The following SESN1 variants were observed in gnomAD, a reference collection of about 807,000 sequenced individuals.
The protein encoded by SESN1 is sestrin-1.
SESN1 carries 30 observed loss-of-function variants against 59.3 expected under a neutral mutation model. The ratio of observed to expected loss-of-function variants is 0.51; its 90% confidence interval spans 0.38 to 0.69. The LOEUF (loss-of-function observed/expected upper bound fraction) is 0.69. SESN1 is among the 30% of genes least tolerant of loss of function. The pLI, the probability that SESN1 is intolerant of heterozygous loss-of-function variation, is 0.00. For missense variants in SESN1, 566 were observed against 673.0 expected, an observed-to-expected ratio of 0.84 and a Z score of 1.76; for synonymous variants, 197 against 219.9, an observed-to-expected ratio of 0.90 and a Z score of 0.92.
In SESN1 at chr6:109,053,637, T is replaced by C. The variant is rs1562469432; in HGVS notation, c.279+40158A>G. Reference sequence around the variant, plus strand: ...GAGGCTGGGCCAGTGAAAGCCCTCATGGGCCACATGAAGGACTCTGGCATT... The same window carrying C: ...GAGGCTGGGCCAGTGAAAGCCCTCACGGGCCACATGAAGGACTCTGGCATT... On this transcript the variant is annotated intron_variant, in intron 1 of 9. Transcript: ENST00000436639. Among the ~76,000 whole-genome samples the C allele has an allele frequency of 2.6e-5, 4 of 152,280 alleles. 1 individual carries two copies. Among genetic ancestry groups the C allele is most frequent in the Middle Eastern group, 6.8e-3 (2 of 294 alleles).
chr6:108,992,817 A>G lies in SESN1; in HGVS notation c.1203T>C (p.His401=), dbSNP rs1779415950. The change falls in exon 7 of 10, where the codon CAT becomes CAC. Residue 401 remains histidine (H), a synonymous_variant. Coordinates refer to ENST00000436639, the MANE Select transcript of SESN1 (RefSeq NM_014454.3). ...CACGAAATGTTGGAACATGCATCCC[A>G]TGTCTAGAGAAATCTTTATAGCCAT... ...TSYGYKDFSR[H]GMHVPTFRVQ... 1 of 1,613,478 alleles carries G rather than the reference A, an allele frequency of 6.2e-7. No homozygotes were observed. Among genetic ancestry groups the G allele is most frequent in the Non-Finnish European group, 8.5e-7 (1 of 1,179,508 alleles).
intron 1 of SESN1, among the ~76,000 whole-genome samples, chr6:109,006,293 G>T (rs1779729364): frequency 6.6e-6 from 1 of 152,128 alleles, no homozygotes; most frequent in South Asian, 2.1e-4. Flanking sequence ...AAAGCCCTGA[G>T]ATTTTTTTAA....
Position 109,011,660 on chromosome 6 carries a change from C to T in SESN1, c.280-9317G>A, listed in dbSNP as rs114281788. Among the ~76,000 whole-genome samples the T allele has an allele frequency of 4.5e-3, 658 of 147,762 alleles. 2 individuals carry two copies. Among genetic ancestry groups the T allele is most frequent in the African/African-American group, 0.016 (627 of 40,062 alleles). On this transcript the variant is annotated intron_variant, in intron 1 of 9. Transcript: ENST00000436639. The stretch of plus-strand genomic sequence containing the variant: ...TTTTTTTTTTTTTGAGACAGAGTCT[C>T]GCTCTGTCAGCCAGGATGAGTGCAG...
In SESN1 at chr6:109,015,383, G is replaced by T. The variant is rs868720543; in HGVS notation, c.280-13040C>A. ...TGACAAGAGCATGTATGGATCACTT[G>T]TTAAGTCAGGCATGTACTTACAAGT... On this transcript the variant is annotated intron_variant, in intron 1 of 9. Transcript: ENST00000436639. Among the ~76,000 whole-genome samples the T allele has an allele frequency of 2.6e-5, 4 of 152,266 alleles. 1 individual carries two copies. Among genetic ancestry groups the T allele is most frequent in the Middle Eastern group, 6.8e-3 (2 of 294 alleles).
In SESN1 at chr6:109,057,222, T is replaced by C. The variant is rs1310654250; in HGVS notation, c.279+36573A>G. Reference sequence around the variant, plus strand: ...CTGAATTTTCAACCCTCAGAAACTATGTGAGATAATTAATATTTATTGTTT... The same window carrying C: ...CTGAATTTTCAACCCTCAGAAACTACGTGAGATAATTAATATTTATTGTTT... On this transcript the variant is annotated intron_variant, in intron 1 of 9. Coordinates refer to ENST00000436639, the MANE Select transcript of SESN1 (RefSeq NM_014454.3). 2.6e-5 allele frequency among the ~76,000 whole-genome samples: 4 copies of C among 152,208 alleles called. No individual in the cohort carries two copies. In the East Asian group the frequency reaches 5.8e-4, roughly 22 times the overall value.
intron 1 of SESN1, among the ~76,000 whole-genome samples, chr6:109,068,033 G>A (rs912517202): frequency 1.3e-5 from 2 of 152,176 alleles, no homozygotes; most frequent in African/African-American, 4.8e-5. Context: ...TGTTAGGCAG[G>A]CAGGCTTCTC....
chr6:109,055,674 A>AG (rs1300493416), intron 1 of SESN1, among the ~76,000 whole-genome samples: 3 of 151,388 alleles, frequency 2.0e-5, no homozygotes, highest in Non-Finnish European at 4.4e-5. Flanking sequence ...AAAAAAAAAA[A>AG]AAAAAAAAGA....
intron 1 of SESN1, among the ~76,000 whole-genome samples, chr6:109,047,457 T>C (rs1583286189): frequency 8.4e-6 from 1 of 118,772 alleles, no homozygotes; most frequent in South Asian, 3.5e-4. Context: ...AGCCGCCCCA[T>C]CCGGGAGGGA....
chr6:108,985,492 C>CAA lies in SESN1; in HGVS notation c.*2050_*2051dup, dbSNP rs1779158687. Reference sequence around the variant, plus strand: ...TGTGTTTAGTTTTGAGAAAACACTCCAACAGGAAGCACCTGCTAAATGGAA... The same window carrying CAA: ...TGTGTTTAGTTTTGAGAAAACACTCCAAAACAGGAAGCACCTGCTAAATGGAA... On this transcript the variant is annotated 3_prime_UTR_variant, in exon 10 of 10. Transcript: ENST00000436639. 6.6e-6 allele frequency among the ~76,000 whole-genome samples: 1 copy of CAA among 152,138 alleles called. No homozygotes were observed. The highest frequency in any genetic ancestry group is 1.5e-5 in the Non-Finnish European group (1 of 68,032).
At chr6:109,019,522 G>A (rs1779976709) in intron 1 of SESN1, among the ~76,000 whole-genome samples, 2 of 152,084 alleles carry the variant, frequency 1.3e-5, no homozygotes, top group African/African-American at 4.8e-5. Context: ...CCTGTCCTGG[G>A]TCTAGTCTAT....
intron 1 of SESN1, among the ~76,000 whole-genome samples, chr6:109,064,724 G>A (rs1282649936): frequency 8.0e-6 from 1 of 124,342 alleles, no homozygotes; most frequent in Admixed American, 8.2e-5. Flanking sequence ...GGAAGGAAGG[G>A]AGGGAGGGAG....
At chr6:109,027,624 C>T (rs982389727) in intron 1 of SESN1, among the ~76,000 whole-genome samples, 5 of 151,692 alleles carry the variant, frequency 3.3e-5, no homozygotes, top group African/African-American at 7.3e-5. Context: ...ATAATGTCTG[C>T]GTATATTTTC....
At chr6:108,990,890 A>G in intron 7 of SESN1, 55 bp from the exon 8 acceptor site, 1 of 1,458,848 alleles carries the variant, frequency 6.9e-7, no homozygotes, top group East Asian at 2.3e-5. Context: ...ACAGTTCTAT[A>G]TCTATAGCTC....
intron 6 of SESN1, among the ~76,000 whole-genome samples, chr6:108,994,140 T>TA (rs764125940): frequency 0.027 from 2,711 of 100,096 alleles, 38 homozygotes; most frequent in South Asian, 0.046. Flanking sequence ...CCCTGTTTCT[T>TA]AAAAAAAAAA....
intron 1 of SESN1, among the ~76,000 whole-genome samples, chr6:109,018,420 G>T (rs566651128): frequency 4.1e-4 from 62 of 152,280 alleles, no homozygotes; most frequent in African/African-American, 1.3e-3. Flanking sequence ...AAATTAATGC[G>T]TGTCTACATC....
rs1310995102 is a variant in SESN1, at chr6:108,987,312, A to G, written c.*232T>C. 1.6e-5 allele frequency: 7 copies of G among 441,270 alleles called. No individual in the cohort carries two copies. Among genetic ancestry groups the G allele is most frequent in the Non-Finnish European group, 2.4e-5 (6 of 248,940 alleles). The allele number at this position is 441,270 out of a possible 1,614,324, so 27.3% of individuals were successfully genotyped here. A position where few individuals can be genotyped will look rare whatever the true frequency, so the allele number is the denominator to read the frequency against. On this transcript the variant is annotated 3_prime_UTR_variant, in exon 10 of 10. Coordinates refer to ENST00000436639, the MANE Select transcript of SESN1 (RefSeq NM_014454.3). ...ACAGCATCTTGTACTGTCAAAAAGC[A>G]AAATACTGTGAATGGCAGCCTGTCT...
intron 1 of SESN1, among the ~76,000 whole-genome samples, chr6:109,006,809 G>A (rs1237420468): frequency 2.0e-5 from 3 of 152,104 alleles, no homozygotes; most frequent in South Asian, 2.1e-4. Flanking sequence ...AAGGCACTGC[G>A]GGTGTTCAAT....
chr6:109,090,524 C>T (rs1325753532), intron 1 of SESN1: 1 of 152,074 alleles, frequency 6.6e-6, no homozygotes, highest in East Asian at 1.9e-4. Flanking sequence ...ATACTGTATT[C>T]TTACAATAAA....
chr6:109,003,966 T>C (rs941181950), intron 1 of SESN1, among the ~76,000 whole-genome samples: 10 of 152,236 alleles, frequency 6.6e-5, no homozygotes, highest in Admixed American at 6.5e-4. Flanking sequence ...AATGCCTGTT[T>C]CAAGGGTTTA....
Sources: allele counts gnomAD v4.1 joint callset (sites outside exome capture counted in the v4.1 genomes callset), GRCh38; gene constraint gnomAD v4.1.1; transcripts MANE v1.5; gene names NCBI Gene and HGNC (gene_info 2026-07-23, HGNC 2026-07-21).